The following GLIPR1L2 variants were observed in gnomAD, a reference collection of about 807,000 sequenced individuals.
The protein encoded by GLIPR1L2 is GLIPR1-like protein 2.
A neutral mutation model predicts 28.4 loss-of-function variants in GLIPR1L2; 21 were observed. The observed-to-expected ratio is 0.74, with a 90% CI of 0.52 to 1.06. GLIPR1L2 has a LOEUF of 1.06. GLIPR1L2 is among the 50% of genes least tolerant of loss of function. The pLI, the probability that GLIPR1L2 is intolerant of heterozygous loss-of-function variation, is 0.00. For synonymous variants in GLIPR1L2, 145 were observed against 139.3 expected, an observed-to-expected ratio of 1.04 and a Z score of -0.29; for missense variants, 476 against 416.9, an observed-to-expected ratio of 1.14 and a Z score of -1.23.
chr12:75,424,586 C>T (rs931912726), intron 4 of GLIPR1L2, among the ~76,000 whole-genome samples: 23 of 151,320 alleles, frequency 1.5e-4, no homozygotes, highest in African/African-American at 4.6e-4. Context: ...GCTAATACTA[C>T]GGACAGGTGC....
intron 1 of GLIPR1L2, among the ~76,000 whole-genome samples, chr12:75,402,578 A>G (rs1475309549): frequency 6.6e-6 from 1 of 152,144 alleles, no homozygotes; most frequent in Non-Finnish European, 1.5e-5. Flanking sequence ...TGTACAACTC[A>G]TTACTTAAAT....
At chr12:75,407,172 C>T (rs1186409230) in intron 1 of GLIPR1L2, among the ~76,000 whole-genome samples, 1 of 152,062 alleles carries the variant, frequency 6.6e-6, no homozygotes, top group Non-Finnish European at 1.5e-5. Context: ...TACTCCATGG[C>T]TATAAATCCC....
intron 2 of GLIPR1L2, among the ~76,000 whole-genome samples, chr12:75,412,787 C>T (rs1268741204): frequency 2.5e-4 from 38 of 151,660 alleles, no homozygotes; most frequent in Non-Finnish European, 5.3e-4. Context: ...GTCAGTGTGG[C>T]GATTCCTCAG....
intron 4 of GLIPR1L2, among the ~76,000 whole-genome samples, chr12:75,426,039 A>C (rs1025408388): frequency 2.0e-5 from 3 of 152,200 alleles, no homozygotes; most frequent in African/African-American, 7.2e-5. Flanking sequence ...CCAAAACAAT[A>C]GAACAGAAAA....
intron 1 of GLIPR1L2, among the ~76,000 whole-genome samples, chr12:75,406,707 A>G (rs867387452): frequency 1.3e-5 from 2 of 150,858 alleles, no homozygotes; most frequent in Middle Eastern, 3.4e-3. Context: ...ACATTGAGCC[A>G]CAATCACACT....
At chr12:75,393,838 C>G (rs886741918) in intron 1 of GLIPR1L2, among the ~76,000 whole-genome samples, 14 of 151,960 alleles carry the variant, frequency 9.2e-5, no homozygotes, top group African/African-American at 3.4e-4. Context: ...ATAGTGGCTG[C>G]ACCATTTTAC....
chr12:75,413,527 A>C, intron 2 of GLIPR1L2, 71 bp from the exon 3 acceptor site: 1 of 834,258 alleles, frequency 1.2e-6, no homozygotes, highest in East Asian at 2.7e-5. Flanking sequence ...AATGGAATAT[A>C]TTATTGTTTA....
At position 75,431,224 on chromosome 12, in the gene GLIPR1L2, G is replaced by GA; in HGVS notation, c.*64dup. 4.5e-6 allele frequency: 2 copies of GA among 444,098 alleles called. No individual in the cohort carries two copies. Among genetic ancestry groups the GA allele is most frequent in the Non-Finnish European group, 7.8e-6 (2 of 255,424 alleles). 27.5% of individuals were successfully genotyped at this position (444,098 alleles called of 1,614,324 possible). On this transcript the variant is annotated 3_prime_UTR_variant, in exon 6 of 6. Transcript: ENST00000550916. ...AAACCAAAAGTGTAATACAAAAAAAGACAGAAAAAAAAAAAAAGTAAAACA... is the reference window on the plus strand; with the variant it reads ...AAACCAAAAGTGTAATACAAAAAAAGAACAGAAAAAAAAAAAAAGTAAAACA...
chr12:75,421,714 A>G (rs2045977752), intron 3 of GLIPR1L2, among the ~76,000 whole-genome samples: 1 of 152,130 alleles, frequency 6.6e-6, no homozygotes. Flanking sequence ...CAATTGATGT[A>G]ATTATTTCTT....
At chr12:75,400,375 G>A (rs956446832) in intron 1 of GLIPR1L2, among the ~76,000 whole-genome samples, 1 of 152,102 alleles carries the variant, frequency 6.6e-6, no homozygotes, top group African/African-American at 2.4e-5. Flanking sequence ...TCCCGCCTTG[G>A]CCTCCCAAAG....
chr12:75,423,983 T>A (rs1271379842), intron 4 of GLIPR1L2: 1 of 152,240 alleles, frequency 6.6e-6, no homozygotes, highest in African/African-American at 2.4e-5. Context: ...GGCATTTGGG[T>A]TGGTTCCAAG....
At chr12:75,398,256 G>A (rs576382378) in intron 1 of GLIPR1L2, among the ~76,000 whole-genome samples, 35 of 142,044 alleles carry the variant, frequency 2.5e-4, no homozygotes, top group Non-Finnish European at 1.0e-4. Context: ...TTGAACCCGG[G>A]AAGCAGAGGT....
At chr12:75,427,852 C>A (rs1472776796) in intron 4 of GLIPR1L2, among the ~76,000 whole-genome samples, 1 of 152,194 alleles carries the variant, frequency 6.6e-6, no homozygotes, top group Non-Finnish European at 1.5e-5. Flanking sequence ...TTCCCCTTCA[C>A]CCTCTGTCAT....
chr12:75,430,524 G>A (rs1402926806), intron 4 of GLIPR1L2, among the ~76,000 whole-genome samples, 191 bp from the exon 5 acceptor site: 3 of 152,198 alleles, frequency 2.0e-5, no homozygotes, highest in African/African-American at 7.2e-5. Flanking sequence ...CATACTTTCT[G>A]TAGCAGACCA....
At chr12:75,404,273 A>C (rs894071340) in intron 1 of GLIPR1L2, among the ~76,000 whole-genome samples, 3 of 152,118 alleles carry the variant, frequency 2.0e-5, no homozygotes, top group Non-Finnish European at 4.4e-5. Context: ...TCGTATTACA[A>C]ATTTAATTTA....
At position 75,424,232 on chromosome 12, in the gene GLIPR1L2, G is replaced by A. The variant is rs546825290; in HGVS notation, c.670+1243G>A. Among the ~76,000 whole-genome samples the A allele has an allele frequency of 5.9e-5, 9 of 152,232 alleles. No homozygotes were observed. In the East Asian group the frequency reaches 1.7e-3, roughly 29 times the overall value. On this transcript the variant is annotated intron_variant, in intron 4 of 5. Coordinates refer to ENST00000550916, the MANE Select transcript of GLIPR1L2 (RefSeq NM_001270396.2). Reference sequence around the variant, plus strand: ...CTCCACATCCTCTCCAGCATCTGTTGGTTCCTGACTTTTTAATGATCACTG... The same window carrying A: ...CTCCACATCCTCTCCAGCATCTGTTAGTTCCTGACTTTTTAATGATCACTG...
At chr12:75,427,781 G>A (rs749599511) in intron 4 of GLIPR1L2, among the ~76,000 whole-genome samples, 10 of 152,256 alleles carry the variant, frequency 6.6e-5, no homozygotes, top group Middle Eastern at 3.4e-3. Context: ...GAGATCTGAT[G>A]GTTTAAAGTG....
At chr12:75,399,612 C>A (rs1244326509) in intron 1 of GLIPR1L2, among the ~76,000 whole-genome samples, 1 of 151,756 alleles carries the variant, frequency 6.6e-6, no homozygotes, top group African/African-American at 2.4e-5. Context: ...TTTTTTTCTC[C>A]CATTATTTAT....
intron 1 of GLIPR1L2, among the ~76,000 whole-genome samples, chr12:75,393,867 C>G (rs1214857779): frequency 6.6e-6 from 1 of 151,972 alleles, no homozygotes; most frequent in African/African-American, 2.4e-5. Context: ...CAAGAATGTT[C>G]AAGGGTTCAA....
Sources: allele counts gnomAD v4.1 joint callset (sites outside exome capture counted in the v4.1 genomes callset), GRCh38; gene constraint gnomAD v4.1.1; transcripts MANE v1.5; gene names NCBI Gene and HGNC (gene_info 2026-07-23, HGNC 2026-07-21).